Variants in CD46 observed in about 807,000 individuals in gnomAD.
CD46 encodes the protein membrane cofactor protein.
In CD46, 30 loss-of-function variants were observed where a neutral mutation model predicts 53.3. The observed-to-expected ratio is 0.56, with a 90% CI of 0.42 to 0.76. The LOEUF (loss-of-function observed/expected upper bound fraction) is 0.76, where lower values mean the gene tolerates loss of function less well. CD46 is among the 30% of genes least tolerant of loss of function. The probability of loss-of-function intolerance (pLI) is 0.00; values close to 1 mark genes in which losing one functional copy is unlikely to be tolerated. For synonymous variants in CD46, 142 were observed against 152.0 expected, an observed-to-expected ratio of 0.93 and a Z score of 0.48; for missense variants, 409 against 463.0, an observed-to-expected ratio of 0.88 and a Z score of 1.07.
At chr1:207,775,615 C>T (rs1462776331) in intron 8 of CD46, among the ~76,000 whole-genome samples, 1 of 152,222 alleles carries the variant, frequency 6.6e-6, no homozygotes, top group Non-Finnish European at 1.5e-5. Flanking sequence ...AACAGTCAGA[C>T]CCCTCAGCTG....
At position 207,757,219 on chromosome 1, in the gene CD46, C is replaced by CT. The variant is rs371729129; in HGVS notation, c.286+27dup. The CT allele has an allele frequency of 0.013, 18,129 of 1,372,912 alleles. 4 individuals carry two copies. The highest frequency in any genetic ancestry group is 0.018 in the African/African-American group (1,206 of 68,228). The allele number at this position is 1,372,912 out of a possible 1,614,324, so 85.0% of individuals were successfully genotyped here. On this transcript the variant is annotated intron_variant, in intron 2 of 12. Coordinates refer to ENST00000367042, the MANE Select transcript of CD46 (RefSeq NM_172351.3). ...CCTGTTATAGTAAGTAAACAAACCT[C>CT]TTTTTTTTTTCTGCTTGCTCTAGAG...
chr1:207,789,799 C>T (rs1034231529), intron 11 of CD46, among the ~76,000 whole-genome samples: 5 of 143,760 alleles, frequency 3.5e-5, no homozygotes, highest in African/African-American at 5.2e-5. Context: ...TTTGTGAGGC[C>T]GAGGCAGGCC....
In CD46 at chr1:207,793,724, G is replaced by A; in HGVS notation, c.*247G>A. On this transcript the variant is annotated 3_prime_UTR_variant, in exon 13 of 13. Coordinates refer to ENST00000367042, the MANE Select transcript of CD46 (RefSeq NM_172351.3). ...ATATTGCAATGTGGCTTGAATGTAGGTAGCATCCTTTGATGCTTCTTTGAA... is the reference window on the plus strand; with the variant it reads ...ATATTGCAATGTGGCTTGAATGTAGATAGCATCCTTTGATGCTTCTTTGAA... 2.6e-6 allele frequency: 2 copies of A among 771,424 alleles called. No homozygotes were observed. Among genetic ancestry groups the A allele is most frequent in the Non-Finnish European group, 4.6e-6 (2 of 434,204 alleles). The allele number at this position is 771,424 out of a possible 1,614,324, so 47.8% of individuals were successfully genotyped here.
At chr1:207,772,768 T>A (rs1657657610) in intron 8 of CD46, among the ~76,000 whole-genome samples, 1 of 152,240 alleles carries the variant, frequency 6.6e-6, no homozygotes, top group Admixed American at 6.5e-5. Context: ...TTGTGGTGGA[T>A]AAGCTTTTTG....
intron 5 of CD46, among the ~76,000 whole-genome samples, chr1:207,765,006 A>G (rs1177007985): frequency 6.6e-6 from 1 of 151,980 alleles, no homozygotes; most frequent in African/African-American, 2.4e-5. Flanking sequence ...AGAAAATTAC[A>G]AATAATATCC....
At chr1:207,789,715 C>T (rs1659607610) in intron 11 of CD46, among the ~76,000 whole-genome samples, 1 of 151,862 alleles carries the variant, frequency 6.6e-6, no homozygotes, top group Admixed American at 6.6e-5. Context: ...GGATTTGATA[C>T]ATACTCAATG....
intron 5 of CD46, chr1:207,763,397 C>G (rs1349262831): frequency 6.6e-6 from 1 of 152,354 alleles, no homozygotes; most frequent in African/African-American, 2.4e-5. Flanking sequence ...GACCCATCCC[C>G]TTCCTTCCCG....
At chr1:207,768,153 C>G (rs1657072758) in intron 7 of CD46, 1 of 280,654 alleles carries the variant, frequency 3.6e-6, no homozygotes, top group Non-Finnish European at 6.8e-6. Flanking sequence ...AAGCACTTAG[C>G]ACAGTGCCTG....
intron 12 of CD46, among the ~76,000 whole-genome samples, chr1:207,793,208 C>T (rs41318011): frequency 6.6e-6 from 1 of 152,108 alleles, no homozygotes; most frequent in South Asian, 2.1e-4. Flanking sequence ...GGAAAGCATG[C>T]GTTTGTCTCC....
At chr1:207,774,967 C>A (rs1657931757) in intron 8 of CD46, among the ~76,000 whole-genome samples, 1 of 152,312 alleles carries the variant, frequency 6.6e-6, no homozygotes, top group African/African-American at 2.4e-5. Flanking sequence ...TGGACAATAT[C>A]CTGAAGAGTG....
intron 5 of CD46, among the ~76,000 whole-genome samples, chr1:207,766,204 T>C (rs1656828850): frequency 6.6e-6 from 1 of 152,202 alleles, no homozygotes; most frequent in Non-Finnish European, 1.5e-5. Flanking sequence ...ATGGAACTTT[T>C]CTGTATCTTT....
intron 7 of CD46, chr1:207,768,174 A>T (rs1192775250): frequency 4.3e-6 from 1 of 235,098 alleles, no homozygotes; most frequent in Non-Finnish European, 8.3e-6. Flanking sequence ...GTGTAGAGAA[A>T]GCTCTTAGAG....
intron 8 of CD46, among the ~76,000 whole-genome samples, chr1:207,776,162 C>G (rs1281505657): frequency 1.3e-5 from 2 of 152,200 alleles, no homozygotes; most frequent in Admixed American, 1.3e-4. Context: ...GTTCTGTGAG[C>G]GTGGGACCTG....
Position 207,767,789 on chromosome 1 carries a change from T to C in CD46, c.867T>C (p.Ser289=), listed in dbSNP as rs767140299. The change falls in exon 7 of 13, where the codon TCT becomes TCC. Residue 289 remains serine, a synonymous_variant. Transcript: ENST00000367042. ...TATTTTGTTTTCCAGTGTCGACTTC[T>C]TCCACTACAAAATCTCCAGCGTCCA... ...PVPKCLKVST[S]STTKSPASSA... The C allele has an allele frequency of 6.2e-7, 1 of 1,613,084 alleles. No homozygotes were observed. The highest frequency in any genetic ancestry group is 1.7e-5 in the Admixed American group (1 of 60,022).
At chr1:207,792,507 C>T (rs41318007) in intron 12 of CD46, among the ~76,000 whole-genome samples, 1 of 152,126 alleles carries the variant, frequency 6.6e-6, no homozygotes, top group African/African-American at 2.4e-5. Flanking sequence ...CAGACCCTGG[C>T]GATGACCTTG....
At chr1:207,784,087 A>C (rs1659045822) in intron 9 of CD46, among the ~76,000 whole-genome samples, 1 of 152,156 alleles carries the variant, frequency 6.6e-6, no homozygotes, top group African/African-American at 2.4e-5. Flanking sequence ...TTTTTTATCC[A>C]TGTGCCCTGG....
chr1:207,770,125 T>G (rs1571628052), intron 7 of CD46, 196 bp from the exon 8 acceptor site: 1 of 575,140 alleles, frequency 1.7e-6, no homozygotes, highest in East Asian at 3.0e-5. Flanking sequence ...CAGAGTGTGG[T>G]GAGCATTCTT....
At chr1:207,766,873 C>A in intron 5 of CD46, 140 bp from the exon 6 acceptor site, 1 of 669,634 alleles carries the variant, frequency 1.5e-6, no homozygotes, top group Non-Finnish European at 2.6e-6. Context: ...TATTAGTTAA[C>A]ATTTAAAGTC....
intron 8 of CD46, among the ~76,000 whole-genome samples, chr1:207,771,755 T>C (rs1432505722): frequency 1.3e-5 from 2 of 152,236 alleles, no homozygotes; most frequent in Admixed American, 1.3e-4. Context: ...CATTGATCTA[T>C]ATATCTGTTT....
Sources: gnomAD v4.1 joint callset for allele counts (sites outside exome capture counted in the v4.1 genomes callset) on GRCh38, gnomAD v4.1.1 for gene constraint, MANE v1.5 for transcripts, NCBI Gene and HGNC (gene_info 2026-07-23, HGNC 2026-07-21) for gene names.